The following HINFP variants were observed in gnomAD, a reference collection of about 807,000 sequenced individuals.
The protein encoded by HINFP is histone H4 transcription factor.
HINFP carries 20 observed loss-of-function variants against 50.1 expected under a neutral mutation model. The ratio of observed to expected loss-of-function variants is 0.40; its 90% CI spans 0.28 to 0.58. HINFP has a LOEUF of 0.58. HINFP is among the 20% of genes least tolerant of loss of function. The pLI is 0.45. For synonymous variants in HINFP, 247 were observed against 243.7 expected, an observed-to-expected ratio of 1.01 and a Z score of -0.13; for missense variants, 505 against 664.1, an observed-to-expected ratio of 0.76 and a Z score of 2.63.
Position 119,133,237 on chromosome 11 carries a change from C to T in HINFP, c.1139+18C>T. 1.2e-6 allele frequency: 2 copies of T among 1,613,412 alleles called. No individual in the cohort carries two copies. Among genetic ancestry groups the T allele is most frequent in the South Asian group, 1.1e-5 (1 of 91,014 alleles). On this transcript the variant is annotated intron_variant, in intron 9 of 9. Transcript: ENST00000350777. ...CGTTTTCGGTATGTCTCTCAACCCT[C>T]CTTCCCAGATTAACACACTTGTTTT...
intron 2 of HINFP, among the ~76,000 whole-genome samples, chr11:119,128,790 C>T (rs1275864357): frequency 6.6e-6 from 1 of 151,702 alleles, no homozygotes; most frequent in Non-Finnish European, 1.5e-5. Flanking sequence ...CCTCCACCTC[C>T]CAGGTTCAAG....
Position 119,127,119 on chromosome 11 carries a change from C to G in HINFP, c.175C>G (p.Pro59Ala). 1.2e-6 allele frequency: 2 copies of G among 1,609,312 alleles called. No homozygotes were observed. Among genetic ancestry groups the G allele is most frequent in the Non-Finnish European group, 1.7e-6 (2 of 1,178,488 alleles). ...EEEEEEEEDD[P>A]LEEEFSCLWQ... ...GGAGGAAGAGGAAGAGGAGGATGACCCACTTGGTAAGAGAGCAGGACACAG... is the reference window on the plus strand; with the variant it reads ...GGAGGAAGAGGAAGAGGAGGATGACGCACTTGGTAAGAGAGCAGGACACAG... The change falls in exon 2 of 10, where the codon CCA (proline) becomes GCA (alanine). Residue 59 changes from proline (P) to alanine (A), a missense_variant. Transcript: ENST00000350777.
At position 119,134,271 on chromosome 11, in the gene HINFP, G is replaced by T; in HGVS notation, c.1327G>T (p.Glu443Ter). 6 of 1,614,142 alleles carry T rather than the reference G, an allele frequency of 3.7e-6. No homozygotes were observed. The highest frequency in any genetic ancestry group is 5.1e-6 in the Non-Finnish European group (6 of 1,179,948). Reference protein sequence around the residue: ...PGEPGRKEEEEEGKGSEGTAL... With the variant: ...PGEPGRKEEE ...GGAGCCAGGACGTAAGGAAGAGGAA[G>T]AGGAGGGCAAGGGTAGCGAAGGGAC... Residue 443 changes from glutamate (E) to a stop codon, truncating the protein, a stop_gained, in exon 10 of 10, where the codon GAG becomes TAG. Transcript: ENST00000350777. LOFTEE classifies it low-confidence loss of function (END_TRUNC). This position sits in a 1 kb window ranked among gnomAD's most constrained non-coding sequence, Gnocchi z 4.3.
chr11:119,133,335 C>CT, intron 9 of HINFP, 116 bp downstream of exon 9: 1 of 1,304,712 alleles, frequency 7.7e-7, no homozygotes, highest in East Asian at 2.3e-5. Flanking sequence ...AATCCCAGCA[C>CT]TTTGGGAGGC....
Position 119,131,791 on chromosome 11 carries a change from G to A in HINFP, c.524-39G>A. 1 of 1,612,278 alleles carries A rather than the reference G, an allele frequency of 6.2e-7. No homozygotes were observed. The highest frequency in any genetic ancestry group is 8.5e-7 in the Non-Finnish European group (1 of 1,179,168). On this transcript the variant is annotated intron_variant, in intron 4 of 9. Coordinates refer to ENST00000350777, the MANE Select transcript of HINFP (RefSeq NM_198971.3). This position sits in a 1 kb window ranked among gnomAD's most constrained non-coding sequence, Gnocchi z 4.2. The stretch of plus-strand genomic sequence containing the variant: ...GGGTACCAGATCCTAGGCAAAACTG[G>A]GGTTTTGTGGCAGGAGACTGATAGG...
Position 119,134,177 on chromosome 11 carries a change from G to A in HINFP, c.1233G>A (p.Glu411=). The A allele has an allele frequency of 6.2e-7, 1 of 1,614,252 alleles. No individual in the cohort carries two copies. Among genetic ancestry groups the A allele is most frequent in the Non-Finnish European group, 8.5e-7 (1 of 1,180,054 alleles). The change falls in exon 10 of 10, where the codon GAG becomes GAA. Residue 411 remains glutamate (E), a synonymous_variant. Coordinates refer to ENST00000350777, the MANE Select transcript of HINFP (RefSeq NM_198971.3). The surrounding 1 kb of genome is among the most constrained non-coding windows in gnomAD (Gnocchi z 4.3). ...AGCAACTGCTGCGGCAACCACAAGA[G>A]GGATCGGGCCTGGGAACGTCGCTGA... ...LTQQLLRQPQ[E]GSGLGTSLNE...
intron 1 of HINFP, among the ~76,000 whole-genome samples, chr11:119,122,702 C>T (rs1947137312): frequency 6.6e-6 from 1 of 152,172 alleles, no homozygotes; most frequent in Non-Finnish European, 1.5e-5. Flanking sequence ...AAACAAGTTT[C>T]ATTGCATTGA....
rs766591338 is a variant in HINFP, at chr11:119,134,195, G to A, written c.1251G>A (p.Thr417=). Reference sequence around the variant, plus strand: ...CACAAGAGGGATCGGGCCTGGGAACGTCGCTGAACGAGAGCAGCCTGCAGG... The same window carrying A: ...CACAAGAGGGATCGGGCCTGGGAACATCGCTGAACGAGAGCAGCCTGCAGG... The part of the protein sequence containing the change: ...RQPQEGSGLG[T]SLNESSLQGI... The change falls in exon 10 of 10, where the codon ACG becomes ACA. Residue 417 remains threonine (T), a synonymous_variant. Transcript: ENST00000350777. The surrounding 1 kb of genome is among the most constrained non-coding windows in gnomAD (Gnocchi z 4.3). 1.2e-5 allele frequency: 19 copies of A among 1,614,090 alleles called. No individual in the cohort carries two copies. In the Admixed American group the frequency reaches 1.5e-4, roughly 13 times the overall value.
chr11:119,131,217 T>C lies in HINFP; in HGVS notation c.411+263T>C. On this transcript the variant is annotated intron_variant, in intron 3 of 9. Transcript: ENST00000350777. The surrounding 1 kb of genome is among the most constrained non-coding windows in gnomAD (Gnocchi z 4.2). Reference sequence around the variant, plus strand: ...AATCCTCCCACCTCAGCCTCCCAAGTAGCTAGGACTACAGGCATGTACCAC... The same window carrying C: ...AATCCTCCCACCTCAGCCTCCCAAGCAGCTAGGACTACAGGCATGTACCAC... 1.6e-6 allele frequency: 1 copy of C among 636,418 alleles called. No individual in the cohort carries two copies. Among genetic ancestry groups the C allele is most frequent in the South Asian group, 1.6e-5 (1 of 63,518 alleles). The allele number at this position is 636,418 out of a possible 1,614,324, so 39.4% of individuals were successfully genotyped here. A position where few individuals can be genotyped will look rare whatever the true frequency, so the allele number is the denominator to read the frequency against.
intron 2 of HINFP, chr11:119,130,340 C>T (rs1005507822): frequency 4.0e-6 from 1 of 248,890 alleles, no homozygotes; most frequent in African/African-American, 2.3e-5. Flanking sequence ...CAGAGTTCAA[C>T]ATGGGGACGT....
chr11:119,122,905 T>G (rs1200793431), intron 1 of HINFP, among the ~76,000 whole-genome samples: 1 of 151,932 alleles, frequency 6.6e-6, no homozygotes, highest in African/African-American at 2.4e-5. Flanking sequence ...GGCGGATCAC[T>G]TGAGGTCAGG....
chr11:119,131,540 C>G lies in HINFP; in HGVS notation c.417C>G (p.Ser139=), dbSNP rs746049701. 10 of 1,613,554 alleles carry G rather than the reference C, an allele frequency of 6.2e-6. No homozygotes were observed. In the South Asian group the frequency reaches 9.9e-5, roughly 16 times the overall value. ...CCAAGTTGCCCCTGGCACAGAATTC[C>G]TTCGACAATCCTGAGTGGTTTTATC... ...FLCLWEHCEN[S]FDNPEWFYRH... The change falls in exon 4 of 10, where the codon TCC becomes TCG. Residue 139 remains serine, a synonymous_variant. Transcript: ENST00000350777. This position sits in a 1 kb window ranked among gnomAD's most constrained non-coding sequence, Gnocchi z 4.2.
Position 119,134,400 on chromosome 11 carries a change from GC to G in HINFP, c.1460del (p.Pro487GlnfsTer22). 6.2e-7 allele frequency: 1 copy of G among 1,614,150 alleles called. No individual in the cohort carries two copies. Among genetic ancestry groups the G allele is most frequent in the African/African-American group, 1.3e-5 (1 of 75,064 alleles). ...QEIVYYVLSE[A>X]PGEPPPAPEP... ...GATCGTCTACTATGTGCTGTCTGAA[GC>G]CCCAGGGGAGCCTCCCCCAGCCCCT... On this transcript the variant is annotated frameshift_variant, in exon 10 of 10. Coordinates refer to ENST00000350777, the MANE Select transcript of HINFP (RefSeq NM_198971.3). LOFTEE classifies it low-confidence loss of function (END_TRUNC). The surrounding 1 kb of genome is among the most constrained non-coding windows in gnomAD (Gnocchi z 4.3).
intron 2 of HINFP, chr11:119,127,433 A>ATTCTGTAC (rs1947470676): frequency 1.9e-5 from 3 of 155,602 alleles, no homozygotes; most frequent in African/African-American, 9.0e-5. Context: ...TTTTTTAATC[A>ATTCTGTAC]TTCTGTACAA....
Position 119,131,127 on chromosome 11 carries a change from A to T in HINFP, c.411+173A>T. 1.4e-6 allele frequency: 1 copy of T among 712,878 alleles called. No individual in the cohort carries two copies. Among genetic ancestry groups the T allele is most frequent in the Non-Finnish European group, 2.5e-6 (1 of 397,716 alleles). 44.2% of individuals were successfully genotyped at this position (712,878 alleles called of 1,614,324 possible). A position where few individuals can be genotyped will look rare whatever the true frequency, so the allele number is the denominator to read the frequency against. Reference sequence around the variant, plus strand: ...TTTTACACACAGGCTCTTGATCTGAAGCCCAGGCTAGAGTGCAGTGGTACA... The same window carrying T: ...TTTTACACACAGGCTCTTGATCTGATGCCCAGGCTAGAGTGCAGTGGTACA... On this transcript the variant is annotated intron_variant, in intron 3 of 9. Coordinates refer to ENST00000350777, the MANE Select transcript of HINFP (RefSeq NM_198971.3). This position sits in a 1 kb window ranked among gnomAD's most constrained non-coding sequence, Gnocchi z 4.2.
At position 119,129,490 on chromosome 11, in the gene HINFP, C is replaced by CTTTTTTTTTTTTT. The variant is rs59395600; in HGVS notation, c.182-1232_182-1220dup. Among the ~76,000 whole-genome samples, 70 of 124,148 alleles carry CTTTTTTTTTTTTT rather than the reference C, an allele frequency of 5.6e-4. 1 individual carries two copies. Among genetic ancestry groups the CTTTTTTTTTTTTT allele is most frequent in the South Asian group, 4.8e-3 (14 of 2,908 alleles). The allele number at this position is 124,148 out of a possible 152,430, so 81.4% of individuals were successfully genotyped here. On this transcript the variant is annotated intron_variant, in intron 2 of 9. Coordinates refer to ENST00000350777, the MANE Select transcript of HINFP (RefSeq NM_198971.3). ...TCTGGCAGGAATACATTTTTCTTTT[C>CTTTTTTTTTTTTT]TTTTTTTTTTTTTTTGTGGGAGTGC...
chr11:119,124,767 A>T (rs1475812592), intron 1 of HINFP: 1 of 151,992 alleles, frequency 6.6e-6, no homozygotes, highest in African/African-American at 2.4e-5. Flanking sequence ...TGAGGACAGG[A>T]GTTCGAGACC....
intron 1 of HINFP, chr11:119,123,902 G>A (rs1947239779): frequency 1.3e-5 from 2 of 151,922 alleles, no homozygotes; most frequent in Non-Finnish European, 2.9e-5. Context: ...GGCCAGGATG[G>A]TCTCAATCTC....
In HINFP at chr11:119,132,513, T is replaced by G. The variant is rs1281320143; in HGVS notation, c.694T>G (p.Ser232Ala). ...TSLDQQHFQCSHCSKRFATER... is the reference protein window; with the variant it reads ...TSLDQQHFQCAHCSKRFATER... ...CACCCCAGAGCAGCACTTCCAGTGT[T>G]CTCACTGTTCCAAGAGATTTGCCAC... is the stretch of plus-strand genomic sequence containing the variant. Residue 232 changes from serine (S) to alanine (A), a missense_variant, in exon 6 of 10, where the codon TCT (serine) becomes GCT (alanine). Coordinates refer to ENST00000350777, the MANE Select transcript of HINFP (RefSeq NM_198971.3). 1 of 1,614,130 alleles carries G rather than the reference T, an allele frequency of 6.2e-7. No homozygotes were observed.
Sources: gnomAD v4.1 joint callset for allele counts (sites outside exome capture counted in the v4.1 genomes callset) on GRCh38, gnomAD v4.1.1 for gene constraint, Gnocchi (gnomAD v3.1) non-coding constraint, MANE v1.5 for transcripts, NCBI Gene and HGNC (gene_info 2026-07-23, HGNC 2026-07-21) for gene names.